CORO2B: variants seen among roughly 807,000 people sequenced by gnomAD.
CORO2B encodes coronin 2B, also known as coronin-2B.
In CORO2B, 26 loss-of-function variants were observed where a neutral mutation model predicts 58.8. The ratio of observed to expected loss-of-function variants is 0.44; its 90% confidence interval spans 0.32 to 0.61. The LOEUF is 0.61. Ranked by LOEUF, CORO2B falls within the 20% of genes least tolerant of loss-of-function variation. The pLI, the probability that CORO2B is intolerant of heterozygous loss-of-function variation, is 0.04. For synonymous variants in CORO2B, 242 were observed against 253.8 expected, an observed-to-expected ratio of 0.95 and a Z score of 0.44; for missense variants, 460 against 645.1, an observed-to-expected ratio of 0.71 and a Z score of 3.11.
At chr15:68,611,525 A>AT (rs547215578) in intron 1 of CORO2B, among the ~76,000 whole-genome samples, 21 of 151,946 alleles carry the variant, frequency 1.4e-4, no homozygotes, top group African/African-American at 4.8e-4. Flanking sequence ...AATATTTCAA[A>AT]TTTTTTTTAT....
At chr15:68,674,783 C>T (rs1451157060) in intron 2 of CORO2B, among the ~76,000 whole-genome samples, 1 of 152,216 alleles carries the variant, frequency 6.6e-6, no homozygotes, top group Non-Finnish European at 1.5e-5. Flanking sequence ...TTTCTCCCTC[C>T]AGCCTTTCCA....
chr15:68,715,719 A>G lies in CORO2B; in HGVS notation c.967+408A>G, dbSNP rs182492295. Among the ~76,000 whole-genome samples, 413 of 152,262 alleles carry G rather than the reference A, an allele frequency of 2.7e-3. 2 individuals carry two copies. The highest frequency in any genetic ancestry group is 4.3e-3 in the Admixed American group (65 of 15,292). ...TCCCAGCAGCAGCTCTGTCTGCCTG[A>G]TAGGGCAGGAAGAAGTTCCAGGTGT... On this transcript the variant is annotated intron_variant, in intron 8 of 11. Coordinates refer to ENST00000261861, the MANE Select transcript of CORO2B (RefSeq NM_006091.5).
At chr15:68,725,619 G>C (rs1275360839) in intron 11 of CORO2B, among the ~76,000 whole-genome samples, 1 of 152,034 alleles carries the variant, frequency 6.6e-6, no homozygotes, top group African/African-American at 2.4e-5. Flanking sequence ...TAATGACGCA[G>C]GTTTTGTTTC....
At chr15:68,626,799 A>C (rs1367895793) in intron 1 of CORO2B, among the ~76,000 whole-genome samples, 1 of 152,224 alleles carries the variant, frequency 6.6e-6, no homozygotes, top group Non-Finnish European at 1.5e-5. Context: ...AGGGCTGAGA[A>C]CCGCTGCTCC....
chr15:68,707,935 C>T (rs1462064079), intron 3 of CORO2B, among the ~76,000 whole-genome samples: 1 of 151,834 alleles, frequency 6.6e-6, no homozygotes, highest in East Asian at 1.9e-4. Context: ...ATCACTCCCT[C>T]CCCCAATTCC....
intron 2 of CORO2B, among the ~76,000 whole-genome samples, chr15:68,654,605 T>C (rs1345296987): frequency 6.6e-6 from 1 of 152,232 alleles, no homozygotes; most frequent in Non-Finnish European, 1.5e-5. Flanking sequence ...TGTGAAACCC[T>C]AGGCATCTAA....
the CORO2B span, among the ~76,000 whole-genome samples, chr15:68,559,055 C>A: frequency 1.3e-5 from 2 of 152,068 alleles, no homozygotes; most frequent in Non-Finnish European, 2.9e-5. This position sits in a 1 kb window ranked among gnomAD's most constrained non-coding sequence, Gnocchi z 4.3. Flanking sequence ...ACGCGCTAGG[C>A]GCCGTTCTTC....
chr15:68,559,682 G>T, the CORO2B span: 1 of 968,120 alleles, frequency 1.0e-6, no homozygotes, highest in Non-Finnish European at 1.2e-6. The surrounding 1 kb of genome is among the most constrained non-coding windows in gnomAD (Gnocchi z 4.3). Flanking sequence ...CCGGTTTTCC[G>T]GTTGGTGCAG....
chr15:68,521,743 T>C, the CORO2B span, among the ~76,000 whole-genome samples: 1 of 151,726 alleles, frequency 6.6e-6, no homozygotes, highest in Admixed American at 6.6e-5. Context: ...CACTATATAC[T>C]TCTTTTCTTT....
At chr15:68,518,733 G>A in the CORO2B span, among the ~76,000 whole-genome samples, 1 of 152,034 alleles carries the variant, frequency 6.6e-6, no homozygotes, top group Admixed American at 6.5e-5. Context: ...ACCCTGTGAT[G>A]CCCTCCCTTG....
chr15:68,577,099 G>A (rs532350227), upstream of CORO2B, among the ~76,000 whole-genome samples: 25 of 152,276 alleles, frequency 1.6e-4, no homozygotes, highest in African/African-American at 6.0e-4. Flanking sequence ...TTTGCACAGA[G>A]GAGACGCCTG....
the CORO2B span, among the ~76,000 whole-genome samples, chr15:68,518,576 C>T: frequency 1.3e-5 from 2 of 152,152 alleles, no homozygotes; most frequent in African/African-American, 4.8e-5. Context: ...AAGCAGCATC[C>T]CGTTTCTGCC....
chr15:68,682,516 T>A (rs920161806), intron 2 of CORO2B, among the ~76,000 whole-genome samples: 11 of 152,128 alleles, frequency 7.2e-5, no homozygotes, highest in Non-Finnish European at 1.6e-4. Context: ...AGAGATCACA[T>A]GGCCGCAGAT....
intron 2 of CORO2B, among the ~76,000 whole-genome samples, chr15:68,650,314 G>T (rs1901592180): frequency 6.8e-6 from 1 of 147,628 alleles, no homozygotes; most frequent in Non-Finnish European, 1.5e-5. Context: ...CTGAGATCGC[G>T]CCACTGCTCT....
At chr15:68,630,590 TTTC>T (rs1386961078) in intron 1 of CORO2B, among the ~76,000 whole-genome samples, 1 of 152,114 alleles carries the variant, frequency 6.6e-6, no homozygotes, top group Admixed American at 6.5e-5. Context: ...CCCTGTTCCT[TTTC>T]TTCTTTATTT....
chr15:68,546,153 T>C, the CORO2B span, among the ~76,000 whole-genome samples: 1 of 152,146 alleles, frequency 6.6e-6, no homozygotes, highest in Non-Finnish European at 1.5e-5. Context: ...GTCCATTCTA[T>C]TCTAGTCCTC....
intron 3 of CORO2B, among the ~76,000 whole-genome samples, chr15:68,702,821 C>CTTTTTTTTTTTT: frequency 5.5e-3 from 526 of 96,182 alleles, no homozygotes; most frequent in Middle Eastern, 9.4e-3. Context: ...TTTTCTTTTT[C>CTTTTTTTTTTTT]TTTTTTTTTT....
At chr15:68,633,329 G>T (rs919958829) in intron 1 of CORO2B, among the ~76,000 whole-genome samples, 41 of 152,190 alleles carry the variant, frequency 2.7e-4, no homozygotes, top group Non-Finnish European at 3.1e-4. Flanking sequence ...TACAAGGCAG[G>T]GAGTGAGAGG....
intron 2 of CORO2B, among the ~76,000 whole-genome samples, chr15:68,675,458 G>A (rs991314523): frequency 6.6e-6 from 1 of 152,154 alleles, no homozygotes; most frequent in Admixed American, 6.5e-5. Context: ...GGGGTATCCT[G>A]TGTCTGGAAA....
Sources: allele counts gnomAD v4.1 joint callset (sites outside exome capture counted in the v4.1 genomes callset), GRCh38; gene constraint gnomAD v4.1.1; non-coding constraint Gnocchi (gnomAD v3.1); transcripts MANE v1.5; gene names NCBI Gene and HGNC (gene_info 2026-07-23, HGNC 2026-07-21).